The following RELN variants were observed in gnomAD, a reference collection of about 807,000 sequenced individuals.
RELN encodes reelin.
In RELN, 108 loss-of-function variants were observed where a neutral mutation model predicts 427.6. The observed-to-expected ratio is 0.25, with a 90% CI of 0.22 to 0.30. The LOEUF (loss-of-function observed/expected upper bound fraction) is 0.30. Among genes scored for constraint, RELN ranks in the 10% least tolerant of loss-of-function variants. The pLI is 1.00. For synonymous variants in RELN, 1,524 were observed against 1,513.4 expected (o/e 1.01, Z -0.16); for missense variants, 3,715 against 4,302.8 (o/e 0.86, Z 3.82).
rs1829545716 is a variant in RELN, at chr7:103,515,546, G to A, written c.7863-105C>T. On this transcript the variant is annotated intron_variant, in intron 49 of 64. Coordinates refer to ENST00000428762, the MANE Select transcript of RELN (RefSeq NM_005045.4). The stretch of plus-strand genomic sequence containing the variant: ...CATAAGATAATGTATGTCACATGGT[G>A]GGTGAGGGAAGGACATAAGCTAAAA... The A allele has an allele frequency of 7.0e-6, 10 of 1,425,068 alleles. No individual in the cohort carries two copies. The South Asian group carries it at 9.8e-5, about 14-fold the overall frequency. 88.3% of individuals were successfully genotyped at this position (1,425,068 alleles called of 1,614,324 possible).
At chr7:103,568,466 G>A (rs1466243635) in intron 31 of RELN, among the ~76,000 whole-genome samples, 1 of 152,186 alleles carries the variant, frequency 6.6e-6, no homozygotes, top group Non-Finnish European at 1.5e-5. Flanking sequence ...GCTATATACA[G>A]GTGTGGGGAT....
chr7:103,511,489 T>C (rs7788252), intron 50 of RELN, among the ~76,000 whole-genome samples: 4,597 of 152,260 alleles, frequency 0.03, 81 homozygotes, highest in African/African-American at 0.056. Flanking sequence ...CTACTCACAT[T>C]CTGAAAGTAT....
chr7:103,870,129 T>C (rs1192859754), intron 2 of RELN, among the ~76,000 whole-genome samples: 2 of 152,114 alleles, frequency 1.3e-5, no homozygotes, highest in African/African-American at 4.8e-5. Flanking sequence ...CTATATATGC[T>C]AAACTCAGAC....
At chr7:103,646,813 C>T (rs1216621926) in intron 16 of RELN, among the ~76,000 whole-genome samples, 1 of 151,778 alleles carries the variant, frequency 6.6e-6, no homozygotes, top group Admixed American at 6.6e-5. Flanking sequence ...AAGGACACAA[C>T]AAAAAAGGAA....
chr7:103,755,790 G>C (rs562121834), intron 4 of RELN, among the ~76,000 whole-genome samples: 30 of 129,564 alleles, frequency 2.3e-4, no homozygotes, highest in Admixed American at 1.1e-3. Flanking sequence ...TCCAGTCTGG[G>C]GGACAGAGTG....
chr7:103,682,143 G>A lies in RELN; in HGVS notation c.1262C>T (p.Ser421Leu). Residue 421 changes from serine to leucine, a missense_variant, in exon 11 of 65, where the codon TCA becomes TTA. Around this residue, in one of 4 missense-constraint regions of RELN, gnomAD observed 2,208 missense variants for 2,361.7 expected, o/e 0.93. Coordinates refer to ENST00000428762, the MANE Select transcript of RELN (RefSeq NM_005045.4). ...LSTEDIQEQW[S>L]EEFESQPTGW... ...TGTAGGCTGGCTCTCAAATTCTTCT[G>A]ACCATTGCTCTTGAATATCTTCTGT... 1.2e-6 allele frequency: 2 copies of A among 1,613,916 alleles called. No individual in the cohort carries two copies. Among genetic ancestry groups the A allele is most frequent in the South Asian group, 1.1e-5 (1 of 91,070 alleles).
At chr7:103,673,249 T>C (rs954050112) in intron 11 of RELN, among the ~76,000 whole-genome samples, 2 of 152,222 alleles carry the variant, frequency 1.3e-5, no homozygotes, top group Non-Finnish European at 1.5e-5. Flanking sequence ...TTTAACCTAA[T>C]GCTTTAGAAG....
intron 2 of RELN, among the ~76,000 whole-genome samples, chr7:103,875,800 A>G (rs1794464681): frequency 6.6e-6 from 1 of 152,144 alleles, no homozygotes; most frequent in Non-Finnish European, 1.5e-5. Flanking sequence ...TCACCTTGGG[A>G]CCTGCTAAAT....
chr7:103,978,383 G>A (rs183980378), intron 1 of RELN, among the ~76,000 whole-genome samples: 12 of 152,228 alleles, frequency 7.9e-5, no homozygotes, highest in Admixed American at 6.5e-4. Flanking sequence ...CATCCACGTT[G>A]TCACAAATGA....
At chr7:103,519,854 C>A (rs1024459032) in intron 48 of RELN, among the ~76,000 whole-genome samples, 2 of 152,038 alleles carry the variant, frequency 1.3e-5, no homozygotes, top group African/African-American at 4.8e-5. Context: ...TATTTCCATT[C>A]TTTTAATATT....
chr7:103,779,024 C>A (rs262345), intron 3 of RELN, among the ~76,000 whole-genome samples: 1 of 151,922 alleles, frequency 6.6e-6, no homozygotes, highest in Non-Finnish European at 1.5e-5. Flanking sequence ...TGAGGCCAGG[C>A]AGGATATTAA....
intron 1 of RELN, among the ~76,000 whole-genome samples, chr7:103,977,338 A>C (rs1049046227): frequency 2.2e-5 from 3 of 138,404 alleles, no homozygotes; most frequent in African/African-American, 8.2e-5. Flanking sequence ...AAAAAAAAAA[A>C]ATTCCCTGGC....
At chr7:103,814,840 T>A (rs1792831231) in intron 3 of RELN, among the ~76,000 whole-genome samples, 1 of 152,182 alleles carries the variant, frequency 6.6e-6, no homozygotes, top group Admixed American at 6.5e-5. Flanking sequence ...CTAGCTACCA[T>A]TAGAACTTGA....
intron 45 of RELN, 128 bp from the exon 46 acceptor site, chr7:103,535,612 A>G: frequency 1.2e-6 from 1 of 816,556 alleles, no homozygotes; most frequent in Non-Finnish European, 2.0e-6. Context: ...CTACACTTAT[A>G]TTTCCTGCTT....
Position 103,674,543 on chromosome 7 carries a change from C to A in RELN, c.1289+7573G>T, listed in dbSNP as rs1371402016. Among the ~76,000 whole-genome samples the A allele has an allele frequency of 3.3e-5, 5 of 152,206 alleles. No homozygotes were observed. The South Asian group carries it at 1.0e-3, about 32-fold the overall frequency. On this transcript the variant is annotated intron_variant, in intron 11 of 64. Coordinates refer to ENST00000428762, the MANE Select transcript of RELN (RefSeq NM_005045.4). ...GCAGATGTGCCCTTGGGTGAGGATT[C>A]CCATGAGGGCACAGTGCCCTGCTTC... is the stretch of plus-strand genomic sequence containing the variant.
chr7:103,524,142 G>A (rs1829771170), intron 46 of RELN, among the ~76,000 whole-genome samples: 1 of 152,194 alleles, frequency 6.6e-6, no homozygotes, highest in Non-Finnish European at 1.5e-5. Flanking sequence ...CCTCAGGGGA[G>A]CTGTGAGCCT....
At chr7:103,870,663 A>T (rs951674570) in intron 2 of RELN, among the ~76,000 whole-genome samples, 1 of 152,122 alleles carries the variant, frequency 6.6e-6, no homozygotes, top group Non-Finnish European at 1.5e-5. Flanking sequence ...GTACTAACCT[A>T]ATCTTTTCAC....
At chr7:103,479,511 C>T (rs559773893) in intron 63 of RELN, among the ~76,000 whole-genome samples, 8 of 152,038 alleles carry the variant, frequency 5.3e-5, no homozygotes, top group Non-Finnish European at 1.0e-4. Flanking sequence ...AGGGGCTAAT[C>T]ATCGTGAAAT....
chr7:103,520,037 T>C (rs150501848), intron 48 of RELN, among the ~76,000 whole-genome samples: 4 of 152,254 alleles, frequency 2.6e-5, no homozygotes, highest in Non-Finnish European at 5.9e-5. Context: ...TATTCCAAGA[T>C]AATTTTCTGT....
Sources: allele counts gnomAD v4.1 joint callset (sites outside exome capture counted in the v4.1 genomes callset), GRCh38; gene constraint gnomAD v4.1.1; regional missense constraint gnomAD v4.1.1; transcripts MANE v1.5; gene names NCBI Gene and HGNC (gene_info 2026-07-23, HGNC 2026-07-21).